CDH18: variants seen among roughly 807,000 people sequenced by gnomAD.
CDH18 encodes cadherin-18.
In CDH18, 31 loss-of-function variants were observed where a neutral mutation model predicts 67.9. That is an observed-to-expected ratio of 0.46 (90% CI 0.34 to 0.62). The LOEUF (loss-of-function observed/expected upper bound fraction) is 0.62, where lower values mean the gene tolerates loss of function less well. Ranked by LOEUF, CDH18 falls within the 20% of genes least tolerant of loss-of-function variation. CDH18 has a pLI of 0.01. For synonymous variants in CDH18, 362 were observed against 347.2 expected, an observed-to-expected ratio of 1.04 and a Z score of -0.48; for missense variants, 890 against 975.5, an observed-to-expected ratio of 0.91 and a Z score of 1.17.
chr5:20,415,312 G>C (rs1747200950), intron 1 of CDH18, among the ~76,000 whole-genome samples: 1 of 151,782 alleles, frequency 6.6e-6, no homozygotes, highest in Non-Finnish European at 1.5e-5. Context: ...GCTGGAACTT[G>C]GGAGGCGGAG....
chr5:20,329,220 A>G (rs1284648883), intron 1 of CDH18, among the ~76,000 whole-genome samples: 1 of 152,174 alleles, frequency 6.6e-6, no homozygotes, highest in African/African-American at 2.4e-5. Context: ...GCAAAGAGTT[A>G]TATGGGAGGA....
chr5:20,407,572 C>A (rs75596022), intron 1 of CDH18, among the ~76,000 whole-genome samples: 1,600 of 147,466 alleles, frequency 0.011, 33 homozygotes, highest in African/African-American at 0.038. Context: ...ATAAAAAGGA[C>A]CAAACCGAAA....
At chr5:20,185,956 G>T (rs1325404904) in intron 2 of CDH18, among the ~76,000 whole-genome samples, 1 of 151,884 alleles carries the variant, frequency 6.6e-6, no homozygotes, top group East Asian at 1.9e-4. Flanking sequence ...GAGAATGAAT[G>T]AAGTAATGAG....
chr5:20,405,267 T>C (rs1043646348), intron 1 of CDH18, among the ~76,000 whole-genome samples: 9 of 151,904 alleles, frequency 5.9e-5, no homozygotes, highest in Non-Finnish European at 1.2e-4. Flanking sequence ...GAACAGAGCC[T>C]TCAGAAATAA....
chr5:20,492,400 TTAAAA>T (rs1414021275), intron 1 of CDH18, among the ~76,000 whole-genome samples: 1 of 152,154 alleles, frequency 6.6e-6, no homozygotes, highest in Non-Finnish European at 1.5e-5. Context: ...CAATTATAAT[TTAAAA>T]TAACATATTT....
intron 5 of CDH18, among the ~76,000 whole-genome samples, chr5:19,714,161 T>C (rs1765062642): frequency 6.6e-6 from 1 of 152,170 alleles, no homozygotes; most frequent in Non-Finnish European, 1.5e-5. Flanking sequence ...CAGAAGATGA[T>C]AAAGCTGATT....
chr5:20,104,813 C>G (rs996434982), intron 2 of CDH18, among the ~76,000 whole-genome samples: 4 of 151,940 alleles, frequency 2.6e-5, no homozygotes, highest in African/African-American at 9.7e-5. Flanking sequence ...AAATTGAAGC[C>G]TCCACCTCTG....
chr5:19,607,985 T>C (rs968883341), intron 6 of CDH18, among the ~76,000 whole-genome samples: 2 of 151,520 alleles, frequency 1.3e-5, no homozygotes, highest in African/African-American at 4.8e-5. Context: ...GTGCATCCAA[T>C]AGCATGGTTT....
chr5:19,859,989 G>GGGGTGTGTGTGTGTGTGTGTGT (rs143069229), intron 2 of CDH18, among the ~76,000 whole-genome samples: 1 of 143,148 alleles, frequency 7.0e-6, no homozygotes, highest in African/African-American at 2.6e-5. Flanking sequence ...GTTTGCTTTG[G>GGGGTGTGTGTGTGTGTGTGTGT]GTGTGTGTGT....
intron 1 of CDH18, among the ~76,000 whole-genome samples, chr5:20,435,033 C>T (rs556576741): frequency 6.6e-6 from 1 of 152,116 alleles, no homozygotes; most frequent in Admixed American, 6.6e-5. Context: ...TAATTTTTGG[C>T]TTAAACCAGC....
chr5:20,569,081 A>G (rs985578961), intron 1 of CDH18, among the ~76,000 whole-genome samples: 16 of 152,176 alleles, frequency 1.1e-4, no homozygotes, highest in Non-Finnish European at 8.8e-5. Context: ...CTATAACTGC[A>G]TGCTGCTTTC....
In CDH18 at chr5:20,100,189, A is replaced by C. The variant is rs186492992; in HGVS notation, c.-517-108175T>G. Among the ~76,000 whole-genome samples the C allele has an allele frequency of 2.0e-5, 3 of 152,322 alleles. No individual in the cohort carries two copies. The East Asian group carries it at 5.8e-4, about 29-fold the overall frequency. ...CAAATAAAATATTATTTAGTATATC[A>C]TACAAATGTGAAAAAGGGAAAATAC... is the stretch of plus-strand genomic sequence containing the variant. On this transcript the variant is annotated intron_variant, in intron 2 of 14. Coordinates refer to the CDH18 transcript ENST00000507958.
intron 3 of CDH18, among the ~76,000 whole-genome samples, chr5:19,811,869 C>T (rs1778780821): frequency 6.6e-6 from 1 of 151,934 alleles, no homozygotes; most frequent in Admixed American, 6.6e-5. Flanking sequence ...AAAAAATGAC[C>T]ATTCAAGATC....
At chr5:19,634,736 G>A (rs928861171) in intron 5 of CDH18, among the ~76,000 whole-genome samples, 10 of 151,816 alleles carry the variant, frequency 6.6e-5, no homozygotes, top group East Asian at 1.9e-4. Context: ...TTGGGAGTTC[G>A]AGACCACCTT....
Position 19,483,513 on chromosome 5 carries a change from C to A in CDH18, c.1670G>T (p.Ser557Ile), listed in dbSNP as rs745862219. The A allele has an allele frequency of 1.2e-6, 2 of 1,613,752 alleles. No individual in the cohort carries two copies. Among genetic ancestry groups the A allele is most frequent in the Non-Finnish European group, 1.7e-6 (2 of 1,179,798 alleles). ...ASILTRRRRF[S>I]RTVQDVYYLP... ...ATAATACACATCCTGAACAGTTCGA[C>A]TAAATCTCCTCCGCCTTGTCAGAAT... Residue 557 changes from serine (S) to isoleucine (I), a missense_variant, in exon 12 of 13, where the codon AGT becomes ATT. By Grantham distance (142) the Ser-to-Ile change is moderately radical (BLOSUM62 -2). Transcript: ENST00000382275.
chr5:20,391,333 T>C (rs1410249297), intron 1 of CDH18, among the ~76,000 whole-genome samples: 2 of 151,948 alleles, frequency 1.3e-5, no homozygotes, highest in Non-Finnish European at 2.9e-5. Flanking sequence ...ATCAGTAGAC[T>C]CTGAACTTAT....
chr5:20,298,415 T>A (rs1191528841), intron 1 of CDH18, among the ~76,000 whole-genome samples: 5 of 152,126 alleles, frequency 3.3e-5, no homozygotes, highest in South Asian at 2.1e-4. Context: ...TTTCAAAAAT[T>A]TAAGTTTTAC....
chr5:20,006,536 C>A (rs181596485), intron 2 of CDH18, among the ~76,000 whole-genome samples: 26 of 151,908 alleles, frequency 1.7e-4, no homozygotes, highest in Admixed American at 5.2e-4. Flanking sequence ...TAATTAGAAA[C>A]AAATAAGTGT....
At chr5:20,356,729 CT>C (rs1741641198) in intron 1 of CDH18, among the ~76,000 whole-genome samples, 1 of 114,616 alleles carries the variant, frequency 8.7e-6, no homozygotes, top group African/African-American at 5.2e-5. Context: ...GTCTCTCTCT[CT>C]CTCTCTCTCT....
Sources: gnomAD v4.1 joint callset for allele counts (sites outside exome capture counted in the v4.1 genomes callset) on GRCh38, gnomAD v4.1.1 for gene constraint, MANE v1.5 for transcripts, NCBI Gene and HGNC (gene_info 2026-07-23, HGNC 2026-07-21) for gene names.